The following IRAK4 variants were observed in gnomAD, a reference collection of about 807,000 sequenced individuals.
The protein encoded by IRAK4 is interleukin-1 receptor-associated kinase 4.
A neutral mutation model predicts 51.8 loss-of-function variants in IRAK4; 44 were observed. That is an observed-to-expected ratio of 0.85 (90% CI 0.67 to 1.09). The LOEUF (loss-of-function observed/expected upper bound fraction) is 1.09. Ranked by LOEUF, IRAK4 falls within the 50% of genes least tolerant of loss-of-function variation. The pLI is 0.00. For missense variants in IRAK4, 487 were observed against 538.0 expected, an observed-to-expected ratio of 0.91 and a Z score of 0.94; for synonymous variants, 149 against 174.1, an observed-to-expected ratio of 0.86 and a Z score of 1.13.
chr12:43,767,895 G>A (rs967057623), intron 1 of IRAK4, among the ~76,000 whole-genome samples: 1 of 152,094 alleles, frequency 6.6e-6, no homozygotes, highest in Non-Finnish European at 1.5e-5. Context: ...GGTGGAAAAA[G>A]GAAGCAAACC....
chr12:43,773,908 TGAGCA>T, intron 5 of IRAK4, 52 bp from the exon 6 acceptor site: 1 of 1,120,900 alleles, frequency 8.9e-7, no homozygotes, highest in Non-Finnish European at 1.4e-6. Flanking sequence ...TTGATCCCTC[TGAGCA>T]TTAGGAACCT....
chr12:43,786,471 G>T lies in IRAK4; in HGVS notation c.1261G>T (p.Ala421Ser). 6.2e-7 allele frequency: 1 copy of T among 1,612,132 alleles called. No individual in the cohort carries two copies. Among genetic ancestry groups the T allele is most frequent in the Non-Finnish European group, 8.5e-7 (1 of 1,179,316 alleles). The change falls in exon 11 of 12, where the codon GCT (alanine) becomes TCT (serine). Residue 421 changes from alanine to serine, a missense_variant. Physicochemically the swap from Ala to Ser is moderately conservative, Grantham distance 99. Coordinates refer to ENST00000613694, the MANE Select transcript of IRAK4 (RefSeq NM_016123.4). The stretch of plus-strand genomic sequence containing the variant: ...TTATATTGATAAAAAGATGAATGAT[G>T]CTGATTCCACTTCAGTTGAAGCTAT... ...EDYIDKKMND[A>S]DSTSVEAMYS...
At position 43,773,069 on chromosome 12, in the gene IRAK4, A is replaced by C. The variant is rs1477897215; in HGVS notation, c.648A>C (p.Ala216=). 1 of 1,612,744 alleles carries C rather than the reference A, an allele frequency of 6.2e-7. No homozygotes were observed. The highest frequency in any genetic ancestry group is 8.5e-7 in the Non-Finnish European group (1 of 1,179,106). Residue 216 remains alanine, a synonymous_variant, in exon 5 of 12, where the codon GCA becomes GCC. Transcript: ENST00000613694. ...NNTTVAVKKL[A]AMVDITTEEL... ...CAACTGTGGCAGTGAAGAAGCTTGCAGCAGTAAGTTATATTTTCAGGAATA... is the reference window on the plus strand; with the variant it reads ...CAACTGTGGCAGTGAAGAAGCTTGCCGCAGTAAGTTATATTTTCAGGAATA...
intron 1 of IRAK4, 193 bp downstream of exon 1, chr12:43,759,209 C>G (rs1939146602): frequency 6.6e-6 from 1 of 152,252 alleles, no homozygotes. Flanking sequence ...GGGTAGGTCC[C>G]CGGTAATCAA....
rs117434623 is a variant in IRAK4 at position 43,784,624 on chromosome 12, A to G, written c.1188+900A>G. The stretch of plus-strand genomic sequence containing the variant: ...TGCCTAAGACTTTTTCCTTCAAAAT[A>G]TATAAAAGCCTCAAAACTTTGGCTT... On this transcript the variant is annotated intron_variant, in intron 10 of 11. Transcript: ENST00000613694. Among the ~76,000 whole-genome samples the G allele has an allele frequency of 3.1e-3, 471 of 152,346 alleles. 1 individual carries two copies. The highest frequency in any genetic ancestry group is 3.4e-3 in the Non-Finnish European group (229 of 68,026).
intron 6 of IRAK4, among the ~76,000 whole-genome samples, chr12:43,774,918 T>TAG (rs1355196465): frequency 6.6e-6 from 1 of 152,250 alleles, no homozygotes; most frequent in Non-Finnish European, 1.5e-5. Context: ...GTCTAACCCT[T>TAG]ACAACTGTTA....
At chr12:43,772,636 A>T (rs1379145771) in intron 4 of IRAK4, among the ~76,000 whole-genome samples, 1 of 152,218 alleles carries the variant, frequency 6.6e-6, no homozygotes, top group Non-Finnish European at 1.5e-5. Context: ...AAAATAAAAT[A>T]TGTGACTAGA....
At chr12:43,759,872 GAAAA>G (rs1160443880) in intron 1 of IRAK4, among the ~76,000 whole-genome samples, 10 of 76,536 alleles carry the variant, frequency 1.3e-4, no homozygotes, top group Non-Finnish European at 2.6e-4. Flanking sequence ...CGTCTCAAAA[GAAAA>G]AAAAAAAAAA....
intron 2 of IRAK4, among the ~76,000 whole-genome samples, chr12:43,769,850 T>A (rs955339843): frequency 4.6e-5 from 7 of 152,208 alleles, no homozygotes; most frequent in Non-Finnish European, 7.3e-5. Flanking sequence ...GTAGTATTTC[T>A]ACCAAAATGC....
intron 10 of IRAK4, 149 bp from the exon 11 acceptor site, chr12:43,786,250 T>C: frequency 2.2e-6 from 1 of 460,294 alleles, no homozygotes; most frequent in South Asian, 6.9e-5. Flanking sequence ...CCAGGCTGGG[T>C]CTTCAATTCT....
chr12:43,773,921 C>A, intron 5 of IRAK4, 44 bp from the exon 6 acceptor site: 2 of 1,275,276 alleles, frequency 1.6e-6, no homozygotes, highest in Non-Finnish European at 2.3e-6. Context: ...GCATTAGGAA[C>A]CTTAGAATTG....
At chr12:43,759,976 C>T (rs188323164) in intron 1 of IRAK4, among the ~76,000 whole-genome samples, 3 of 152,196 alleles carry the variant, frequency 2.0e-5, no homozygotes, top group Non-Finnish European at 2.9e-5. Context: ...CGTAACTGCC[C>T]AAGGCCCCTG....
chr12:43,781,422 A>G lies in IRAK4; in HGVS notation c.942-885A>G, dbSNP rs4251519. On this transcript the variant is annotated intron_variant, in intron 8 of 11. Coordinates refer to ENST00000613694, the MANE Select transcript of IRAK4 (RefSeq NM_016123.4). ...ACAGGATAAAATGCAAATTATCTCC[A>G]TGTTTCTTGGACACTCGTTCCTTGA... Among the ~76,000 whole-genome samples the G allele has an allele frequency of 2.5e-3, 376 of 152,222 alleles. 1 individual carries two copies. Among genetic ancestry groups the G allele is most frequent in the African/African-American group, 7.0e-3 (289 of 41,524 alleles).
chr12:43,759,947 G>A (rs1226715261), intron 1 of IRAK4, among the ~76,000 whole-genome samples: 4 of 151,792 alleles, frequency 2.6e-5, no homozygotes, highest in Non-Finnish European at 4.4e-5. Context: ...AACAAACGGC[G>A]CTATTAGTGC....
At chr12:43,763,803 A>C (rs2137857369) in intron 1 of IRAK4, among the ~76,000 whole-genome samples, 1 of 149,376 alleles carries the variant, frequency 6.7e-6, no homozygotes, top group South Asian at 2.1e-4. Flanking sequence ...TCACTTTTTC[A>C]CTATAGCTGT....
intron 3 of IRAK4, among the ~76,000 whole-genome samples, chr12:43,771,598 C>T (rs374266633): frequency 7.9e-5 from 12 of 152,286 alleles, no homozygotes; most frequent in African/African-American, 9.6e-5. Flanking sequence ...TTTGTGCCAA[C>T]AGGAAGTTTA....
intron 10 of IRAK4, among the ~76,000 whole-genome samples, chr12:43,785,782 C>T (rs1177305276): frequency 1.3e-5 from 2 of 151,744 alleles, no homozygotes; most frequent in African/African-American, 4.8e-5. Context: ...CTACGACATA[C>T]CTGGGCTATA....
At position 43,778,141 on chromosome 12, in the gene IRAK4, T is replaced by C. The variant is rs1216767860; in HGVS notation, c.832-52T>C. 1.5e-5 allele frequency: 16 copies of C among 1,052,930 alleles called. No homozygotes were observed. The East Asian group carries it at 2.9e-4, about 19-fold the overall frequency. 65.2% of individuals were successfully genotyped at this position (1,052,930 alleles called of 1,614,324 possible). A position where few individuals can be genotyped will look rare whatever the true frequency, so the allele number is the denominator to read the frequency against. On this transcript the variant is annotated intron_variant, in intron 7 of 11. Coordinates refer to ENST00000613694, the MANE Select transcript of IRAK4 (RefSeq NM_016123.4). ...AATATTCTGTGTTATATATTCTCTG[T>C]AGATTTTTTATTATTCTTTCTCATT...
intron 1 of IRAK4, among the ~76,000 whole-genome samples, chr12:43,759,868 A>C (rs1168103911): frequency 1.4e-5 from 2 of 141,172 alleles, no homozygotes; most frequent in African/African-American, 6.1e-5. Flanking sequence ...ACTCCGTCTC[A>C]AAAGAAAAAA....
Sources: allele counts gnomAD v4.1 joint callset (sites outside exome capture counted in the v4.1 genomes callset), GRCh38; gene constraint gnomAD v4.1.1; transcripts MANE v1.5; gene names NCBI Gene and HGNC (gene_info 2026-07-23, HGNC 2026-07-21).